Variants in CALN1 observed in about 807,000 individuals in gnomAD.
CALN1 encodes calneuron 1, also known as calcium-binding protein 8.
In CALN1, 17 loss-of-function variants were observed where a neutral mutation model predicts 30.6. The observed-to-expected ratio is 0.56, with a 90% CI of 0.38 to 0.83. CALN1 has a LOEUF of 0.83. CALN1 is among the 40% of genes least tolerant of loss of function. The pLI is 0.00. For missense variants in CALN1, 291 were observed against 354.9 expected (o/e 0.82, Z 1.45); for synonymous variants, 156 against 131.4 (o/e 1.19, Z -1.28).
intron 1 of CALN1, among the ~76,000 whole-genome samples, chr7:72,417,935 TTTTG>T (rs1359425340): frequency 1.1e-4 from 17 of 152,338 alleles, no homozygotes; most frequent in African/African-American, 3.4e-4. Context: ...CTGTTCCTCT[TTTTG>T]TTTGTTTGTT....
At chr7:71,815,689 CCTCT>C (rs1220739038) in intron 5 of CALN1, among the ~76,000 whole-genome samples, 1 of 150,740 alleles carries the variant, frequency 6.6e-6, no homozygotes, top group Admixed American at 6.6e-5. Flanking sequence ...CTCTTTTTTC[CCTCT>C]CTCTCTCCCT....
At chr7:72,431,594 T>G (rs937169207) in intron 1 of CALN1, among the ~76,000 whole-genome samples, 1 of 152,092 alleles carries the variant, frequency 6.6e-6, no homozygotes, top group Non-Finnish European at 1.5e-5. Context: ...ACCCCAGCAC[T>G]TTGGGGGGCC....
the CALN1 span, among the ~76,000 whole-genome samples, chr7:72,459,195 C>T: frequency 2.0e-5 from 3 of 151,982 alleles, no homozygotes; most frequent in Non-Finnish European, 4.4e-5. Context: ...TGAACCACCG[C>T]GCCTGGTCGT....
At chr7:72,413,734 G>A (rs546946990), upstream of CALN1, among the ~76,000 whole-genome samples, 234 of 151,116 alleles carry the variant, frequency 1.5e-3, 1 homozygote, top group Middle Eastern at 3.4e-3. Context: ...ATACACACAC[G>A]CACAGCACAT....
intron 5 of CALN1, among the ~76,000 whole-genome samples, chr7:71,999,519 ATT>A (rs34318737): frequency 6.9e-6 from 1 of 145,836 alleles, no homozygotes; most frequent in African/African-American, 2.5e-5. Context: ...CAGCATATGC[ATT>A]TTTTTTTTTT....
the CALN1 span, among the ~76,000 whole-genome samples, chr7:72,501,948 T>TATACAA: frequency 1.4e-5 from 1 of 72,366 alleles, no homozygotes; most frequent in South Asian, 4.5e-4. Flanking sequence ...TATATATATA[T>TATACAA]ACACACATAT....
chr7:72,337,346 C>T, intron 2 of CALN1: 2 of 951,512 alleles, frequency 2.1e-6, no homozygotes, highest in South Asian at 4.8e-5. Flanking sequence ...CAACCTCCGC[C>T]TCTCCAATGG....
chr7:72,490,779 G>A, the CALN1 span, among the ~76,000 whole-genome samples: 1 of 152,142 alleles, frequency 6.6e-6, no homozygotes, highest in Non-Finnish European at 1.5e-5. Context: ...TAAGCTTCCT[G>A]AGGCCTCCCA....
chr7:72,381,981 T>C (rs1804929870), intron 2 of CALN1, among the ~76,000 whole-genome samples: 1 of 152,124 alleles, frequency 6.6e-6, no homozygotes, highest in Non-Finnish European at 1.5e-5. Flanking sequence ...AAGTATGAAG[T>C]TCAAAGTGGA....
At chr7:72,211,269 T>A (rs550551781) in intron 3 of CALN1, among the ~76,000 whole-genome samples, 1 of 152,226 alleles carries the variant, frequency 6.6e-6, no homozygotes, top group African/African-American at 2.4e-5. Flanking sequence ...CTGGGCCAGG[T>A]AGAGTTCCTC....
intron 2 of CALN1, 103 bp downstream of exon 2, chr7:72,403,148 C>T (rs1373319742): frequency 3.8e-6 from 3 of 789,444 alleles, no homozygotes; most frequent in African/African-American, 3.4e-5. Context: ...TCCTCTCCAG[C>T]CTAGACACGC....
At chr7:72,076,815 G>T (rs943823741) in intron 4 of CALN1, among the ~76,000 whole-genome samples, 2 of 151,950 alleles carry the variant, frequency 1.3e-5, no homozygotes, top group Non-Finnish European at 2.9e-5. Context: ...GAAGGTTACT[G>T]GATTGGGCCA....
intron 5 of CALN1, among the ~76,000 whole-genome samples, chr7:71,825,321 TTC>T (rs1332607165): frequency 6.6e-6 from 1 of 152,144 alleles, no homozygotes; most frequent in Non-Finnish European, 1.5e-5. Flanking sequence ...TGGGGGCAGT[TTC>T]CCCCATACTG....
At chr7:71,969,460 A>C (rs1379495567) in intron 5 of CALN1, among the ~76,000 whole-genome samples, 1 of 152,202 alleles carries the variant, frequency 6.6e-6, no homozygotes, top group African/African-American at 2.4e-5. Context: ...TACATAACCG[A>C]ATACATACAT....
At chr7:71,868,060 TA>T (rs1791693098) in intron 5 of CALN1, among the ~76,000 whole-genome samples, 1 of 152,354 alleles carries the variant, frequency 6.6e-6, no homozygotes, top group East Asian at 1.9e-4. Context: ...TATTACCATT[TA>T]TTTTTTGCTT....
At chr7:71,989,894 G>A (rs1798860068) in intron 5 of CALN1, among the ~76,000 whole-genome samples, 1 of 152,174 alleles carries the variant, frequency 6.6e-6, no homozygotes, top group South Asian at 2.1e-4. Context: ...AGGGATTCAA[G>A]AAAGACAGAA....
intron 6 of CALN1, among the ~76,000 whole-genome samples, chr7:71,808,695 T>G (rs1787763184): frequency 6.6e-6 from 1 of 152,120 alleles, no homozygotes; most frequent in Admixed American, 6.6e-5. Context: ...AACAAAACAC[T>G]GATCCACCAA....
chr7:72,188,415 A>T (rs200101527), intron 3 of CALN1, among the ~76,000 whole-genome samples: 3 of 152,294 alleles, frequency 2.0e-5, no homozygotes, highest in East Asian at 1.9e-4. Flanking sequence ...CATGGATGGA[A>T]TTGGAGACTA....
At chr7:72,326,987 G>C (rs1801323086) in intron 2 of CALN1, among the ~76,000 whole-genome samples, 1 of 152,114 alleles carries the variant, frequency 6.6e-6, no homozygotes. Context: ...ACCACAAAAG[G>C]ATATGTTTAG....
Sources: allele counts gnomAD v4.1 joint callset (sites outside exome capture counted in the v4.1 genomes callset), GRCh38; gene constraint gnomAD v4.1.1; transcripts MANE v1.5; gene names NCBI Gene and HGNC (gene_info 2026-07-23, HGNC 2026-07-21).